Variants in KIAA0319L observed in about 807,000 individuals in gnomAD.
KIAA0319L encodes KIAA0319 like.
KIAA0319L carries 55 observed loss-of-function variants against 120.1 expected under a neutral mutation model. That is an observed-to-expected ratio of 0.46 (90% CI 0.37 to 0.57). The LOEUF (loss-of-function observed/expected upper bound fraction) is 0.57, where lower values mean the gene tolerates loss of function less well. Ranked by LOEUF, KIAA0319L falls within the 20% of genes least tolerant of loss-of-function variation. The pLI is 0.00. For missense variants in KIAA0319L, 1,049 were observed against 1,255.3 expected (o/e 0.84, Z 2.48); for synonymous variants, 398 against 471.9 (o/e 0.84, Z 2.03).
At chr1:35,484,799 TATATATA>T (rs200452613) in intron 3 of KIAA0319L, among the ~76,000 whole-genome samples, 2,828 of 56,580 alleles carry the variant, frequency 0.05, 129 homozygotes, top group East Asian at 0.1. Flanking sequence ...TATATATATA[TATATATA>T]TTTTTTTTTT....
chr1:35,434,741 C>T lies in KIAA0319L; in HGVS notation c.*153G>A, dbSNP rs569980255. 74 of 615,314 alleles carry T rather than the reference C, an allele frequency of 1.2e-4. No individual in the cohort carries two copies. The highest frequency in any genetic ancestry group is 1.9e-4 in the Non-Finnish European group (69 of 358,126). 38.1% of individuals were successfully genotyped at this position (615,314 alleles called of 1,614,324 possible). A position where few individuals can be genotyped will look rare whatever the true frequency, so the allele number is the denominator to read the frequency against. ...GCTTCGTTGAGGGGTTCCTGGAGGA[C>T]GTCTCTGGATTCAAGTCCCAGGGGT... On this transcript the variant is annotated 3_prime_UTR_variant, in exon 21 of 21. Coordinates refer to ENST00000325722, the MANE Select transcript of KIAA0319L (RefSeq NM_024874.5).
intron 2 of KIAA0319L, among the ~76,000 whole-genome samples, chr1:35,552,054 A>C (rs1032144699): frequency 4.7e-4 from 72 of 152,244 alleles, no homozygotes; most frequent in Non-Finnish European, 8.8e-4. Context: ...AAAAAAAAAA[A>C]AAAATTGCCA....
chr1:35,451,509 A>G, intron 13 of KIAA0319L, 119 bp downstream of exon 13: 1 of 969,450 alleles, frequency 1.0e-6, no homozygotes. Flanking sequence ...CCCTCACCCC[A>G]ACCCTCTTAC....
intron 10 of KIAA0319L, chr1:35,454,726 A>G: frequency 1.0e-6 from 1 of 952,608 alleles, no homozygotes; most frequent in African/African-American, 1.6e-5. Context: ...AAATAAAGCC[A>G]GAACTCTCAT....
In KIAA0319L at chr1:35,506,806, A is replaced by G; in HGVS notation, c.472T>C (p.Trp158Arg). Residue 158 changes from tryptophan (W) to arginine (R), a missense_variant, in exon 3 of 21, where the codon TGG (tryptophan) becomes CGG (arginine). Trp to Arg is a moderately radical substitution (Grantham distance 101, BLOSUM62 -3). Transcript: ENST00000325722. The surrounding 1 kb of genome is among the most constrained non-coding windows in gnomAD (Gnocchi z 4.0). ...GGTGGGCTCTGCCTCCAAGATGCCC[A>G]GTTCCAACCTAGCCCCAGAAGATGT... Reference protein sequence around the residue: ...VPHLLGLGWNWASWRQSPPRA... With the variant: ...VPHLLGLGWNRASWRQSPPRA... 9 of 1,614,218 alleles carry G rather than the reference A, an allele frequency of 5.6e-6. 1 individual carries two copies. Among genetic ancestry groups the G allele is most frequent in the South Asian group, 5.5e-5 (5 of 91,088 alleles).
chr1:35,534,858 CAAAAAAAA>C (rs779838672), intron 2 of KIAA0319L, among the ~76,000 whole-genome samples: 1 of 42,636 alleles, frequency 2.3e-5, no homozygotes, highest in Admixed American at 2.8e-4. Flanking sequence ...GACTCCGTCT[CAAAAAAAA>C]AAAAAAAAAA....
chr1:35,504,160 A>C (rs1645116109), intron 3 of KIAA0319L, among the ~76,000 whole-genome samples: 4 of 150,312 alleles, frequency 2.7e-5, no homozygotes, highest in Non-Finnish European at 3.0e-5. Context: ...TGCTGACATT[A>C]CAGGCATAAG....
At chr1:35,483,642 G>C (rs1173569057) in intron 3 of KIAA0319L, among the ~76,000 whole-genome samples, 3 of 152,098 alleles carry the variant, frequency 2.0e-5, no homozygotes, top group African/African-American at 4.8e-5. Flanking sequence ...AAGTCTTCTA[G>C]CTAGATAGTT....
intron 20 of KIAA0319L, chr1:35,438,604 C>G (rs988058307): frequency 1.3e-5 from 2 of 150,510 alleles, no homozygotes; most frequent in African/African-American, 4.9e-5. Flanking sequence ...ACCTTCACAC[C>G]CCCAGGTTCT....
intron 2 of KIAA0319L, among the ~76,000 whole-genome samples, chr1:35,526,193 A>T (rs191530087): frequency 6.6e-6 from 1 of 151,284 alleles, no homozygotes; most frequent in East Asian, 1.9e-4. Context: ...CCATTAGTCT[A>T]TGTGACTGTC....
intron 2 of KIAA0319L, among the ~76,000 whole-genome samples, chr1:35,534,177 C>A (rs1033229867): frequency 6.6e-6 from 1 of 152,218 alleles, no homozygotes; most frequent in Non-Finnish European, 1.5e-5. Context: ...TGCTATGTGC[C>A]TAGCTTTGCT....
chr1:35,468,956 C>T (rs999945200), intron 6 of KIAA0319L, among the ~76,000 whole-genome samples: 3 of 152,102 alleles, frequency 2.0e-5, no homozygotes, highest in Admixed American at 6.6e-5. Flanking sequence ...GGGATTGTTA[C>T]GAAGATTAAA....
chr1:35,449,519 A>T (rs1048764520), intron 15 of KIAA0319L, among the ~76,000 whole-genome samples: 3 of 152,142 alleles, frequency 2.0e-5, no homozygotes, highest in Non-Finnish European at 2.9e-5. Flanking sequence ...ATTCCCAAGC[A>T]CTCTGAGCCC....
chr1:35,554,372 G>T lies in KIAA0319L; in HGVS notation c.120C>A (p.Phe40Leu). Residue 40 changes from phenylalanine (F) to leucine (L), a missense_variant, in exon 2 of 21, where the codon TTC becomes TTA. Transcript: ENST00000325722. ...SLYLFYTCFCFSVLWLSTDAS... is the reference protein window; with the variant it reads ...SLYLFYTCFCLSVLWLSTDAS... ...TACCTGTTGACAACCACAGAACGCT[G>T]AAGCAAAAGCAAGTATAAAACAGGT... 6.2e-7 allele frequency: 1 copy of T among 1,604,364 alleles called. No homozygotes were observed.
At chr1:35,523,536 G>C (rs1202015621) in intron 2 of KIAA0319L, among the ~76,000 whole-genome samples, 1 of 152,182 alleles carries the variant, frequency 6.6e-6, no homozygotes, top group African/African-American at 2.4e-5. Flanking sequence ...GTTGATGATG[G>C]GACTTTGAAA....
rs754487653 is a variant in KIAA0319L at position 35,554,548 on chromosome 1, A to C, written c.-28-29T>G. The C allele has an allele frequency of 2.3e-6, 3 of 1,306,694 alleles. No homozygotes were observed. The African/African-American group carries it at 4.5e-5, about 20-fold the overall frequency. 80.9% of individuals were successfully genotyped at this position (1,306,694 alleles called of 1,614,324 possible). Reference sequence around the variant, plus strand: ...GAAGGACAGAAAGAGAAGAAATTACATGCCGAGTAATTAATAATTAATTCC... The same window carrying C: ...GAAGGACAGAAAGAGAAGAAATTACCTGCCGAGTAATTAATAATTAATTCC... On this transcript the variant is annotated intron_variant, in intron 1 of 20. Transcript: ENST00000325722.
intron 3 of KIAA0319L, among the ~76,000 whole-genome samples, chr1:35,505,054 G>A (rs1466940623): frequency 3.9e-5 from 6 of 152,044 alleles, no homozygotes; most frequent in Non-Finnish European, 8.8e-5. Context: ...TTTCTTTAAA[G>A]TGGCCTAACC....
intron 3 of KIAA0319L, among the ~76,000 whole-genome samples, chr1:35,498,597 C>A (rs865968615): frequency 2.6e-4 from 40 of 152,226 alleles, no homozygotes; most frequent in African/African-American, 8.9e-4. Flanking sequence ...TCTGAGGCTA[C>A]CCTCTCCAAA....
chr1:35,546,573 G>A (rs1646991179), intron 2 of KIAA0319L, among the ~76,000 whole-genome samples: 1 of 152,182 alleles, frequency 6.6e-6, no homozygotes. Context: ...CTTTCACGAA[G>A]AACAGTGCCT....
Sources: allele counts gnomAD v4.1 joint callset (sites outside exome capture counted in the v4.1 genomes callset), GRCh38; gene constraint gnomAD v4.1.1; non-coding constraint Gnocchi (gnomAD v3.1); transcripts MANE v1.5; gene names NCBI Gene and HGNC (gene_info 2026-07-23, HGNC 2026-07-21).